LCN15: variants seen among roughly 807,000 people sequenced by gnomAD.
LCN15 encodes the protein lipocalin-15.
In LCN15, 26 loss-of-function variants were observed where a neutral mutation model predicts 23.1. That is an observed-to-expected ratio of 1.13 (90% CI 0.82 to 1.56). The LOEUF (loss-of-function observed/expected upper bound fraction) is 1.56. LCN15 is among the 40% of genes most tolerant of loss of function. The probability of loss-of-function intolerance (pLI) is 0.00; values close to 1 mark genes in which losing one functional copy is unlikely to be tolerated. For missense variants in LCN15, 241 were observed against 239.5 expected, an observed-to-expected ratio of 1.01 and a Z score of -0.04; for synonymous variants, 107 against 98.3, an observed-to-expected ratio of 1.09 and a Z score of -0.52.
At chr9:136,762,014 A>C (rs926922448) in intron 5 of LCN15, among the ~76,000 whole-genome samples, 161 bp from the exon 6 acceptor site, 1 of 152,042 alleles carries the variant, frequency 6.6e-6, no homozygotes, top group Non-Finnish European at 1.5e-5. Flanking sequence ...CCTCTCCCGT[A>C]GTCTGTTCTG....
Position 136,764,286 on chromosome 9 carries a change from C to T in LCN15, c.96+107G>A, listed in dbSNP as rs1449270788. ...AGTGGGTCTATAGCACGTGCCTGGC[C>T]GGGCACAGAGCAAGCGCCCCAGGAA... On this transcript the variant is annotated intron_variant, in intron 1 of 6. Coordinates refer to ENST00000316144, the MANE Select transcript of LCN15 (RefSeq NM_203347.2). 2.3e-5 allele frequency: 26 copies of T among 1,151,190 alleles called. No homozygotes were observed. The East Asian group carries it at 4.1e-4, about 18-fold the overall frequency. The allele number at this position is 1,151,190 out of a possible 1,614,324, so 71.3% of individuals were successfully genotyped here.
Position 136,761,450 on chromosome 9 carries a change from G to T in LCN15, c.*32+337C>A, listed in dbSNP as rs934358640. Reference sequence around the variant, plus strand: ...TAAGTTTTGTATTTTTAGTAGAGACGGGGTTTCTCCATGTTGGTCAGGCTG... The same window carrying T: ...TAAGTTTTGTATTTTTAGTAGAGACTGGGTTTCTCCATGTTGGTCAGGCTG... On this transcript the variant is annotated intron_variant, in intron 6 of 6. Transcript: ENST00000316144. This position sits in a 1 kb window ranked among gnomAD's most constrained non-coding sequence, Gnocchi z 4.2. Among the ~76,000 whole-genome samples the T allele has an allele frequency of 6.6e-6, 1 of 152,136 alleles. No individual in the cohort carries two copies. Among genetic ancestry groups the T allele is most frequent in the African/African-American group, 2.4e-5 (1 of 41,408 alleles).
In LCN15 at chr9:136,763,946, C is replaced by T. The variant is rs755123119; in HGVS notation, c.160G>A (p.Asp54Asn). ...GCCCTGGTGGACATGGACAGGTGGT[C>T]CTTCTTGCCCAGGAAGACCCTGCAG... ...SDCRVFLGKKDHLSMSTRAIR... is the reference protein window; with the variant it reads ...SDCRVFLGKKNHLSMSTRAIR... The change falls in exon 2 of 7, where the codon GAC becomes AAC. Residue 54 changes from aspartate to asparagine, a missense_variant. Asp to Asn is a conservative substitution (Grantham distance 23, BLOSUM62 1). Coordinates refer to ENST00000316144, the MANE Select transcript of LCN15 (RefSeq NM_203347.2). 2.5e-6 allele frequency: 4 copies of T among 1,613,482 alleles called. No individual in the cohort carries two copies. The highest frequency in any genetic ancestry group is 4.5e-5 in the East Asian group (2 of 44,898).
chr9:136,762,167 G>C, intron 5 of LCN15, 21 bp downstream of exon 5: 1 of 1,417,384 alleles, frequency 7.1e-7, no homozygotes. Flanking sequence ...GGCATGGGGT[G>C]GGCGGGGCTT....
At position 136,761,501 on chromosome 9, in the gene LCN15, C is replaced by G. The variant is rs1221400442; in HGVS notation, c.*32+286G>C. Among the ~76,000 whole-genome samples, 1 of 152,146 alleles carries G rather than the reference C, an allele frequency of 6.6e-6. No individual in the cohort carries two copies. Among genetic ancestry groups the G allele is most frequent in the African/African-American group, 2.4e-5 (1 of 41,426 alleles). On this transcript the variant is annotated intron_variant, in intron 6 of 6. Transcript: ENST00000316144. This position sits in a 1 kb window ranked among gnomAD's most constrained non-coding sequence, Gnocchi z 4.2. ...GTCTCGAACTCCCAACCTCAGGTGA[C>G]CCGCCTGCCTCGGCCTCCCAAAGTG... is the stretch of plus-strand genomic sequence containing the variant.
Position 136,762,139 on chromosome 9 carries a change from G to A in LCN15, c.520+49C>T, listed in dbSNP as rs1416324660. 4 of 1,167,376 alleles carry A rather than the reference G, an allele frequency of 3.4e-6. No individual in the cohort carries two copies. In the East Asian group the frequency reaches 1.1e-4, roughly 31 times the overall value. The allele number at this position is 1,167,376 out of a possible 1,614,324, so 72.3% of individuals were successfully genotyped here. A position where few individuals can be genotyped will look rare whatever the true frequency, so the allele number is the denominator to read the frequency against. ...GGAAGGAAGGGTGGGCTCATGGGAA[G>A]GGAGGGAGAGGCTGGGGGGCATGGG... On this transcript the variant is annotated intron_variant, in intron 5 of 6. Coordinates refer to ENST00000316144, the MANE Select transcript of LCN15 (RefSeq NM_203347.2).
chr9:136,762,533 A>G (rs911291871), intron 4 of LCN15, among the ~76,000 whole-genome samples: 4 of 152,078 alleles, frequency 2.6e-5, no homozygotes, highest in Non-Finnish European at 4.4e-5. Flanking sequence ...CTACCCCTTG[A>G]GCCTCTTTCC....
rs987221657 is a variant in LCN15, at chr9:136,764,016, G to A, written c.97-7C>T. 16 of 1,611,998 alleles carry A rather than the reference G, an allele frequency of 9.9e-6. No individual in the cohort carries two copies. Among genetic ancestry groups the A allele is most frequent in the Non-Finnish European group, 1.3e-5 (15 of 1,179,472 alleles). On this transcript the variant is annotated splice_polypyrimidine_tract_variant and splice_region_variant and intron_variant, in intron 1 of 6. Transcript: ENST00000316144. ...CGTACCAGAGGCCTGAGAACTGCCGGGGGCTTAGTCACCCGCAGGCCAGGA... is the reference window on the plus strand; with the variant it reads ...CGTACCAGAGGCCTGAGAACTGCCGAGGGCTTAGTCACCCGCAGGCCAGGA...
At chr9:136,760,399 C>CAGAGA (rs1176513711) in intron 6 of LCN15, among the ~76,000 whole-genome samples, 2 of 152,156 alleles carry the variant, frequency 1.3e-5, no homozygotes, top group Non-Finnish European at 2.9e-5. Context: ...GGAGAGGGTC[C>CAGAGA]TGGGAGTGGA....
chr9:136,763,686 C>T (rs1178277784), intron 3 of LCN15, 27 bp downstream of exon 3: 5 of 1,610,862 alleles, frequency 3.1e-6, no homozygotes, highest in Non-Finnish European at 4.2e-6. Context: ...ATCCAGCACC[C>T]CTGAAGGCAG....
In LCN15 at chr9:136,761,873, C is replaced by G. The variant is rs746252536; in HGVS notation, c.521-20G>C. On this transcript the variant is annotated intron_variant, in intron 5 of 6. Transcript: ENST00000316144. This position sits in a 1 kb window ranked among gnomAD's most constrained non-coding sequence, Gnocchi z 4.2. ...ATGCATCTGTGGGGAGGAAGACATCCGTGAGATGCTGACGGCCAGGACCGC... is the reference window on the plus strand; with the variant it reads ...ATGCATCTGTGGGGAGGAAGACATCGGTGAGATGCTGACGGCCAGGACCGC... 3.7e-6 allele frequency: 5 copies of G among 1,336,140 alleles called. No homozygotes were observed. The highest frequency in any genetic ancestry group is 4.8e-6 in the Non-Finnish European group (5 of 1,042,540). The allele number at this position is 1,336,140 out of a possible 1,614,324, so 82.8% of individuals were successfully genotyped here.
intron 4 of LCN15, among the ~76,000 whole-genome samples, chr9:136,763,135 C>T (rs1242009027): frequency 6.6e-6 from 1 of 151,428 alleles, no homozygotes; most frequent in African/African-American, 2.4e-5. Context: ...TGCGAAGGGT[C>T]ACAGCAGGAG....
At chr9:136,759,954 T>TGCCCCAAG (rs71385770) in intron 6 of LCN15, among the ~76,000 whole-genome samples, 171 bp from the exon 7 acceptor site, 1 of 151,382 alleles carries the variant, frequency 6.6e-6, no homozygotes, top group East Asian at 2.0e-4. Context: ...CTACCACTGC[T>TGCCCCAAG]GCCCCAGGCG....
chr9:136,762,190 G>A lies in LCN15; in HGVS notation c.518C>T (p.Ser173Leu). 1 of 1,576,214 alleles carries A rather than the reference G, an allele frequency of 6.3e-7. No individual in the cohort carries two copies. The highest frequency in any genetic ancestry group is 8.6e-7 in the Non-Finnish European group (1 of 1,161,952). Residue 173 changes from serine (S) to leucine (L), a missense_variant and splice_region_variant, in exon 5 of 7, where the codon TCA becomes TTA. Coordinates refer to ENST00000316144, the MANE Select transcript of LCN15 (RefSeq NM_203347.2). ...GTGGGCGGGGCTTGCCAGGGTACCT[G>A]ACTGGGGCAGCATGACCATCATGTC... Reference protein sequence around the residue: ...PKDMMVMLPQSDACNPESKEA... With the variant: ...PKDMMVMLPQLDACNPESKEA...
rs745478965 is a variant in LCN15 at position 136,763,423 on chromosome 9, A to G, written c.352T>C (p.Ser118Pro). The stretch of plus-strand genomic sequence containing the variant: ...TTGTAGATGTAAAGGACGGCGAAGG[A>G]GCTGTAGTCTGTGTCCACGATGCGC... ...DVRIVDTDYS[S>P]FAVLYIYKEL... is the part of the protein sequence containing the mutation. The change falls in exon 4 of 7, where the codon TCC (serine) becomes CCC (proline). Residue 118 changes from serine (S) to proline (P), a missense_variant. Physicochemically the swap from Ser to Pro is moderately conservative, Grantham distance 74. Coordinates refer to ENST00000316144, the MANE Select transcript of LCN15 (RefSeq NM_203347.2). 3 of 1,609,922 alleles carry G rather than the reference A, an allele frequency of 1.9e-6. No homozygotes were observed. The highest frequency in any genetic ancestry group is 1.3e-5 in the African/African-American group (1 of 74,922).
intron 4 of LCN15, among the ~76,000 whole-genome samples, chr9:136,762,651 C>T (rs367848657): frequency 1.3e-5 from 2 of 152,262 alleles, no homozygotes; most frequent in East Asian, 3.9e-4. Flanking sequence ...CCTGGAATCC[C>T]AGCACTTTGG....
In LCN15 at chr9:136,763,761, C is replaced by T. The variant is rs1847348983; in HGVS notation, c.259G>A (p.Asp87Asn). Residue 87 changes from aspartate to asparagine, a missense_variant, in exon 3 of 7, where the codon GAT (aspartate) becomes AAT (asparagine). By Grantham distance (23) the Asp-to-Asn change is conservative. Coordinates refer to ENST00000316144, the MANE Select transcript of LCN15 (RefSeq NM_203347.2). ...GAGCCCACCTTCAGGTACTCGGCAT[C>T]CACCTGGTTACAGCCGTCCGCCCTG... is the stretch of plus-strand genomic sequence containing the variant. ...FPGADGCNQVDAEYLKVGSEG... is the reference protein window; with the variant it reads ...FPGADGCNQVNAEYLKVGSEG... 1 of 1,613,556 alleles carries T rather than the reference C, an allele frequency of 6.2e-7. No homozygotes were observed. The highest frequency in any genetic ancestry group is 8.5e-7 in the Non-Finnish European group (1 of 1,179,968).
intron 1 of LCN15, 146 bp downstream of exon 1, chr9:136,764,247 A>G: frequency 1.1e-6 from 1 of 871,124 alleles, no homozygotes; most frequent in Non-Finnish European, 1.8e-6. Context: ...AGGTTGGTTT[A>G]GGATTAAGCG....
In LCN15 at chr9:136,763,417, C is replaced by T. The variant is rs746518508; in HGVS notation, c.358G>A (p.Ala120Thr). 1 of 1,609,702 alleles carries T rather than the reference C, an allele frequency of 6.2e-7. No homozygotes were observed. Among genetic ancestry groups the T allele is most frequent in the Admixed American group, 1.7e-5 (1 of 59,732 alleles). The change falls in exon 4 of 7, where the codon GCC (alanine) becomes ACC (threonine). Residue 120 changes from alanine to threonine, a missense_variant. Transcript: ENST00000316144. The stretch of plus-strand genomic sequence containing the variant: ...AGCTCCTTGTAGATGTAAAGGACGG[C>T]GAAGGAGCTGTAGTCTGTGTCCACG... ...RIVDTDYSSF[A>T]VLYIYKELEG...
Sources: allele counts gnomAD v4.1 joint callset (sites outside exome capture counted in the v4.1 genomes callset), GRCh38; gene constraint gnomAD v4.1.1; non-coding constraint Gnocchi (gnomAD v3.1); transcripts MANE v1.5; gene names NCBI Gene and HGNC (gene_info 2026-07-23, HGNC 2026-07-21).